Variants in CHST3 observed in about 807,000 individuals in gnomAD.
CHST3 encodes carbohydrate sulfotransferase 3.
A neutral mutation model predicts 35.4 loss-of-function variants in CHST3; 20 were observed. That is an observed-to-expected ratio of 0.57 (90% confidence interval 0.40 to 0.82). CHST3 has a LOEUF of 0.82. CHST3 is among the 40% of genes least tolerant of loss of function. The pLI is 0.00. For missense variants in CHST3, 693 were observed against 670.1 expected, an observed-to-expected ratio of 1.03 and a Z score of -0.38; for synonymous variants, 334 against 295.9, an observed-to-expected ratio of 1.13 and a Z score of -1.32.
intron 1 of CHST3, among the ~76,000 whole-genome samples, chr10:71,988,509 C>CT (rs1338598062): frequency 6.6e-6 from 1 of 152,184 alleles, no homozygotes; most frequent in African/African-American, 2.4e-5. Context: ...TCCCCATTCT[C>CT]TATCTCTCAT....
chr10:72,013,241 G>A lies in CHST3; in HGVS notation c.*4770G>A, dbSNP rs4148953. 6,480 of 152,386 alleles carry A rather than the reference G, an allele frequency of 0.043. 414 individuals are homozygous for A. Among genetic ancestry groups the A allele is most frequent in the East Asian group, 0.17 (874 of 5,194 alleles). 9.4% of individuals were successfully genotyped at this position (152,386 alleles called of 1,614,324 possible). A position where few individuals can be genotyped will look rare whatever the true frequency, so the allele number is the denominator to read the frequency against. On this transcript the variant is annotated 3_prime_UTR_variant, in exon 3 of 3. Transcript: ENST00000373115. ...TTGCTATTTCATGTCTGCATGGTAC[G>A]AGACACCCCTTCACGGCATACACTG...
chr10:71,985,911 T>C (rs2131749600), intron 1 of CHST3, among the ~76,000 whole-genome samples: 1 of 152,336 alleles, frequency 6.6e-6, no homozygotes, highest in African/African-American at 2.4e-5. Flanking sequence ...TTGGCAATAC[T>C]AGTCTGTTCT....
chr10:71,994,066 C>T (rs1839919723), intron 1 of CHST3, among the ~76,000 whole-genome samples: 1 of 151,996 alleles, frequency 6.6e-6, no homozygotes, highest in African/African-American at 2.4e-5. Context: ...CGCCACTATA[C>T]TCCAGCCTGG....
chr10:71,986,245 T>G (rs780710625), intron 1 of CHST3, among the ~76,000 whole-genome samples: 10 of 152,184 alleles, frequency 6.6e-5, no homozygotes, highest in Non-Finnish European at 1.3e-4. Flanking sequence ...CTAAAAGTAG[T>G]GGCTCTCCAT....
intron 1 of CHST3, among the ~76,000 whole-genome samples, chr10:72,004,813 C>T (rs770212321): frequency 1.3e-5 from 2 of 152,144 alleles, no homozygotes; most frequent in Admixed American, 1.3e-4. Context: ...TTAGCAATGT[C>T]TGGAGATATT....
At chr10:71,987,564 A>C (rs1016026995) in intron 1 of CHST3, among the ~76,000 whole-genome samples, 1 of 152,106 alleles carries the variant, frequency 6.6e-6, no homozygotes, top group African/African-American at 2.4e-5. Context: ...AAATACAAAA[A>C]AATTAGCTGG....
chr10:71,966,848 G>A (rs928206746), intron 1 of CHST3, among the ~76,000 whole-genome samples: 4 of 152,236 alleles, frequency 2.6e-5, no homozygotes, highest in African/African-American at 9.6e-5. Flanking sequence ...CAGGTAGTGA[G>A]AGACAAAGCC....
At chr10:71,999,710 A>G (rs1359004438) in intron 1 of CHST3, among the ~76,000 whole-genome samples, 1 of 152,232 alleles carries the variant, frequency 6.6e-6, no homozygotes, top group Non-Finnish European at 1.5e-5. Flanking sequence ...TTTGGGCCTC[A>G]GTGGAAGGGC....
At chr10:71,966,336 C>T (rs1185314017) in intron 1 of CHST3, among the ~76,000 whole-genome samples, 1 of 152,096 alleles carries the variant, frequency 6.6e-6, no homozygotes, top group East Asian at 1.9e-4. Context: ...AGTCCCTGTA[C>T]TGAGTATTGC....
rs1840114498 is a variant in CHST3 at position 72,011,914 on chromosome 10, AG to A, written c.*3446del. The A allele has an allele frequency of 6.6e-6, 1 of 152,154 alleles. No individual in the cohort carries two copies. Among genetic ancestry groups the A allele is most frequent in the African/African-American group, 2.4e-5 (1 of 41,416 alleles). The allele number at this position is 152,154 out of a possible 1,614,324, so 9.4% of individuals were successfully genotyped here. ...GCAGGATTCTCAGGTCCCCATAGAGAGGGAAAGAGAAGACCAGATGTGCATA... is the reference window on the plus strand; with the variant it reads ...GCAGGATTCTCAGGTCCCCATAGAGAGGAAAGAGAAGACCAGATGTGCATA... On this transcript the variant is annotated 3_prime_UTR_variant, in exon 3 of 3. Coordinates refer to ENST00000373115, the MANE Select transcript of CHST3 (RefSeq NM_004273.5).
At chr10:71,985,497 G>C (rs1839839457) in intron 1 of CHST3, among the ~76,000 whole-genome samples, 1 of 152,072 alleles carries the variant, frequency 6.6e-6, no homozygotes. Flanking sequence ...CTTTCTCATG[G>C]TTCTGCAAAA....
rs1840056497 is a variant in CHST3, at chr10:72,007,638, C to T, written c.607C>T (p.Leu203=). 1.2e-6 allele frequency: 2 copies of T among 1,610,122 alleles called. No homozygotes were observed. Among genetic ancestry groups the T allele is most frequent in the Non-Finnish European group, 1.7e-6 (2 of 1,179,546 alleles). The change falls in exon 3 of 3, where the codon CTG becomes TTG. Residue 203 remains leucine (L), a synonymous_variant. Coordinates refer to ENST00000373115, the MANE Select transcript of CHST3 (RefSeq NM_004273.5). ...GCTCTTCCTGTGCGACCTGTACGTG[C>T]TGGAGCACTTCATCACGCCGCTGCC... The part of the protein sequence containing the change: ...KQLFLCDLYV[L]EHFITPLPED...
At chr10:71,998,952 TC>T (rs1477319239) in intron 1 of CHST3, among the ~76,000 whole-genome samples, 31 of 152,160 alleles carry the variant, frequency 2.0e-4, no homozygotes, top group Non-Finnish European at 1.2e-4. Flanking sequence ...TTCATTCACT[TC>T]CCGTTCTTTC....
chr10:71,981,580 G>C (rs1036934472), intron 1 of CHST3, among the ~76,000 whole-genome samples: 1 of 152,222 alleles, frequency 6.6e-6, no homozygotes, highest in Non-Finnish European at 1.5e-5. Context: ...GTGTGAGGTT[G>C]ATTCAGAGGC....
At chr10:71,992,805 C>T (rs74519900) in intron 1 of CHST3, among the ~76,000 whole-genome samples, 2 of 67,460 alleles carry the variant, frequency 3.0e-5, no homozygotes, top group African/African-American at 6.4e-5. Context: ...GGATTACAGG[C>T]GTCCGCCACC....
At chr10:71,969,390 A>C (rs2131735960) in intron 1 of CHST3, among the ~76,000 whole-genome samples, 1 of 152,304 alleles carries the variant, frequency 6.6e-6, no homozygotes, top group East Asian at 1.9e-4. Context: ...CCCGGCCCCA[A>C]GGGCTGAGAG....
chr10:71,973,644 A>G (rs897548539), intron 1 of CHST3, among the ~76,000 whole-genome samples: 6 of 152,206 alleles, frequency 3.9e-5, no homozygotes, highest in Admixed American at 1.3e-4. Context: ...TCATGCTGAC[A>G]CTGCAAGATG....
intron 1 of CHST3, among the ~76,000 whole-genome samples, chr10:71,979,238 C>T (rs1047476988): frequency 2.0e-5 from 3 of 152,158 alleles, no homozygotes; most frequent in South Asian, 4.1e-4. Context: ...GCGGGTCGCT[C>T]AGCGTGTCTG....
intron 1 of CHST3, among the ~76,000 whole-genome samples, chr10:71,970,159 G>T (rs1350628466): frequency 1.3e-5 from 2 of 152,078 alleles, no homozygotes; most frequent in African/African-American, 4.8e-5. Flanking sequence ...CTGCTGGGCC[G>T]CCACCAGCTT....
Sources: allele counts gnomAD v4.1 joint callset (sites outside exome capture counted in the v4.1 genomes callset), GRCh38; gene constraint gnomAD v4.1.1; transcripts MANE v1.5; gene names NCBI Gene and HGNC (gene_info 2026-07-23, HGNC 2026-07-21).